Variants in DPRX observed in about 807,000 individuals in gnomAD.
DPRX encodes divergent-paired related homeobox.
A neutral mutation model predicts 8.4 loss-of-function variants in DPRX; 11 were observed. That is an observed-to-expected ratio of 1.31 (90% confidence interval 0.82 to 2.17). DPRX has a LOEUF of 2.17. DPRX is among the 30% of genes most tolerant of loss of function. DPRX has a pLI of 0.00. For synonymous variants in DPRX, 72 were observed against 87.0 expected, an observed-to-expected ratio of 0.83 and a Z score of 0.96; for missense variants, 211 against 236.7, an observed-to-expected ratio of 0.89 and a Z score of 0.71.
exon 3 of DPRX, chr19:53,636,780 GTCA>G: frequency 1.2e-6 from 2 of 1,614,104 alleles, no homozygotes; most frequent in Non-Finnish European, 8.5e-7. Context: ...GTGTACACGG[GTCA>G]TCGAGTCCCC....
chr19:53,628,803 G>A (rs2091080449), upstream of DPRX, among the ~76,000 whole-genome samples: 1 of 151,384 alleles, frequency 6.6e-6, no homozygotes, highest in Non-Finnish European at 1.5e-5. Flanking sequence ...TGGCCAGGCT[G>A]GTCTCAAATT....
At chr19:53,634,018 T>C (rs1008847086) in intron 1 of DPRX, among the ~76,000 whole-genome samples, 13 of 152,060 alleles carry the variant, frequency 8.5e-5, no homozygotes, top group African/African-American at 2.9e-4. Flanking sequence ...AAATGACAAA[T>C]GAGGCTTGGA....
chr19:53,630,232 T>C (rs28718241), upstream of DPRX, among the ~76,000 whole-genome samples: 1,895 of 150,300 alleles, frequency 0.013, 51 homozygotes, highest in African/African-American at 0.044. Flanking sequence ...AAAAAAAACT[T>C]TCATGCTGAT....
chr19:53,608,690 C>T, the DPRX span, among the ~76,000 whole-genome samples: 8 of 152,124 alleles, frequency 5.3e-5, no homozygotes, highest in East Asian at 3.9e-4. Flanking sequence ...CAGTGGCTCA[C>T]GCCTGTAATC....
chr19:53,623,823 G>A, the DPRX span, among the ~76,000 whole-genome samples: 2 of 151,654 alleles, frequency 1.3e-5, no homozygotes, highest in African/African-American at 2.4e-5. Flanking sequence ...GATGGCAGGC[G>A]CCTGTAATCC....
chr19:53,635,301 C>T (rs1394883056), intron 2 of DPRX, among the ~76,000 whole-genome samples: 2 of 152,126 alleles, frequency 1.3e-5, no homozygotes, highest in Admixed American at 6.5e-5. Flanking sequence ...TAAGCCACTG[C>T]GCCTGGCCTG....
At chr19:53,613,254 T>C in the DPRX span, among the ~76,000 whole-genome samples, 33,110 of 151,964 alleles carry the variant, frequency 0.22, 3,780 homozygotes, top group East Asian at 0.38. Flanking sequence ...TGTCAAACTC[T>C]TGTGGATCTA....
In DPRX at chr19:53,632,197, C is replaced by T. The variant is rs376712042; in HGVS notation, c.28+63C>T. ...TGAAGAAGTGGAAAGCAGCTGGCGG[C>T]GGGAAAAGGCAGAGGGACCAGGCGG... On this transcript the variant is annotated intron_variant, in intron 1 of 2. Coordinates refer to ENST00000376650, the Ensembl canonical transcript of DPRX. 3.9e-4 allele frequency: 634 copies of T among 1,611,822 alleles called. 3 individuals are homozygous for T. Among genetic ancestry groups the T allele is most frequent in the Non-Finnish European group, 4.7e-4 (559 of 1,178,354 alleles).
upstream of DPRX, among the ~76,000 whole-genome samples, chr19:53,630,690 A>G (rs1232368794): frequency 6.6e-6 from 1 of 151,988 alleles, no homozygotes; most frequent in East Asian, 1.9e-4. Context: ...GCAAAGGCTA[A>G]CCACTGTCAC....
At chr19:53,617,572 A>G in the DPRX span, among the ~76,000 whole-genome samples, 5 of 139,666 alleles carry the variant, frequency 3.6e-5, no homozygotes, top group East Asian at 7.0e-4. Flanking sequence ...AAAAAAAAAA[A>G]AAAGAAAAAA....
At chr19:53,614,958 T>A in the DPRX span, among the ~76,000 whole-genome samples, 1 of 149,330 alleles carries the variant, frequency 6.7e-6, no homozygotes, top group Admixed American at 6.8e-5. Flanking sequence ...TGTCTCTCTA[T>A]TTTTTTTTTC....
At chr19:53,632,806 ATCT>A (rs1160009076) in intron 1 of DPRX, among the ~76,000 whole-genome samples, 5 of 152,080 alleles carry the variant, frequency 3.3e-5, no homozygotes, top group African/African-American at 1.2e-4. Flanking sequence ...CAAATCCGAA[ATCT>A]TCTCCCTCGT....
At chr19:53,620,617 G>C in the DPRX span, among the ~76,000 whole-genome samples, 6 of 151,936 alleles carry the variant, frequency 3.9e-5, no homozygotes, top group Admixed American at 3.9e-4. Flanking sequence ...TGTCTGCCTT[G>C]GCCTCCCAAA....
the DPRX span, among the ~76,000 whole-genome samples, chr19:53,621,565 G>A: frequency 6.4e-4 from 98 of 152,210 alleles, no homozygotes; most frequent in Non-Finnish European, 1.2e-3. Context: ...GGAGGCTGAG[G>A]CAGACTGATC....
the DPRX span, among the ~76,000 whole-genome samples, chr19:53,604,025 C>T: frequency 2.0e-5 from 3 of 151,950 alleles, no homozygotes; most frequent in African/African-American, 7.3e-5. Flanking sequence ...GGATTACAGG[C>T]GTGAGCCACC....
At chr19:53,632,232 G>A in intron 1 of DPRX, 98 bp downstream of exon 1, 2 of 1,535,312 alleles carry the variant, frequency 1.3e-6, no homozygotes, top group Non-Finnish European at 1.8e-6. Flanking sequence ...GCCGAAGCTG[G>A]TGCTTCGTCC....
At chr19:53,621,462 T>C in the DPRX span, among the ~76,000 whole-genome samples, 1 of 152,068 alleles carries the variant, frequency 6.6e-6, no homozygotes, top group Non-Finnish European at 1.5e-5. Flanking sequence ...CATTTAGTCA[T>C]TAAGTCTTGA....
chr19:53,605,469 C>T, the DPRX span, among the ~76,000 whole-genome samples: 2 of 151,618 alleles, frequency 1.3e-5, no homozygotes, highest in Non-Finnish European at 1.5e-5. Context: ...CTCCGCCTCC[C>T]ACAGCCAACT....
At chr19:53,631,919 T>C (rs763375279), upstream of DPRX, 6 of 713,162 alleles carry the variant, frequency 8.4e-6, no homozygotes, top group Middle Eastern at 5.9e-4. Context: ...TTAGATAAAA[T>C]GACAGTATTG....
Sources: gnomAD v4.1 joint callset for allele counts (sites outside exome capture counted in the v4.1 genomes callset) on GRCh38, gnomAD v4.1.1 for gene constraint, MANE v1.5 for transcripts, NCBI Gene and HGNC (gene_info 2026-07-23, HGNC 2026-07-21) for gene names.